ITPKB: variants seen among roughly 807,000 people sequenced by gnomAD.
ITPKB encodes inositol-trisphosphate 3-kinase B, also known as IP3 3-kinase B.
ITPKB carries 13 observed loss-of-function variants against 69.4 expected under a neutral mutation model. The ratio of observed to expected loss-of-function variants is 0.19; its 90% CI spans 0.12 to 0.30. ITPKB has a LOEUF of 0.30. Ranked by LOEUF, ITPKB falls within the 10% of genes least tolerant of loss-of-function variation. ITPKB has a pLI of 1.00. For synonymous variants in ITPKB, 584 were observed against 513.7 expected, an observed-to-expected ratio of 1.14 and a Z score of -1.85; for missense variants, 1,240 against 1,250.5, an observed-to-expected ratio of 0.99 and a Z score of 0.13.
intron 2 of ITPKB, among the ~76,000 whole-genome samples, chr1:226,733,447 G>A (rs1362778936): frequency 1.3e-5 from 2 of 152,158 alleles, no homozygotes; most frequent in Admixed American, 6.5e-5. Context: ...GGGTGTCACA[G>A]ATAAGGCTCC....
chr1:226,698,877 G>A (rs965582262), intron 2 of ITPKB, among the ~76,000 whole-genome samples: 2 of 152,224 alleles, frequency 1.3e-5, no homozygotes, highest in Admixed American at 6.5e-5. Context: ...TCTCCAACCT[G>A]TTGCACCTAT....
At chr1:226,701,702 A>G (rs1656646028) in intron 2 of ITPKB, among the ~76,000 whole-genome samples, 1 of 151,952 alleles carries the variant, frequency 6.6e-6, no homozygotes, top group Admixed American at 6.6e-5. Context: ...CGCACACAGC[A>G]AACTGTCAGC....
At chr1:226,645,059 G>A (rs1052880317) in intron 4 of ITPKB, among the ~76,000 whole-genome samples, 2 of 152,202 alleles carry the variant, frequency 1.3e-5, no homozygotes, top group Admixed American at 6.5e-5. Context: ...CTGGCTGGGT[G>A]GCCCTGATGA....
intron 2 of ITPKB, among the ~76,000 whole-genome samples, chr1:226,730,242 T>G (rs1290032926): frequency 1.3e-5 from 2 of 152,236 alleles, no homozygotes; most frequent in Non-Finnish European, 2.9e-5. Flanking sequence ...TGCTCCATGT[T>G]GTTTGGGACT....
At chr1:226,735,427 T>C in intron 2 of ITPKB, 100 bp downstream of exon 2, 1 of 1,337,272 alleles carries the variant, frequency 7.5e-7, no homozygotes, top group Non-Finnish European at 9.8e-7. Context: ...GGTCTGAGTT[T>C]TCATGACTGT....
chr1:226,735,472 C>A, intron 2 of ITPKB, 55 bp downstream of exon 2: 1 of 1,449,394 alleles, frequency 6.9e-7, no homozygotes, highest in South Asian at 1.6e-5. Context: ...CATAGGGCAT[C>A]AAAAGTCTGC....
intron 2 of ITPKB, among the ~76,000 whole-genome samples, chr1:226,681,094 C>T (rs750327308): frequency 1.3e-5 from 2 of 152,180 alleles, no homozygotes; most frequent in African/African-American, 4.8e-5. Context: ...TTCAGCTGAG[C>T]GCCTTGGTCA....
chr1:226,692,878 C>G (rs534773617), intron 2 of ITPKB, among the ~76,000 whole-genome samples: 1 of 152,310 alleles, frequency 6.6e-6, no homozygotes, highest in East Asian at 1.9e-4. Flanking sequence ...TCTCATTTCT[C>G]CTCCTCCTCC....
chr1:226,723,071 A>C (rs1051061261), intron 2 of ITPKB, among the ~76,000 whole-genome samples: 3 of 152,172 alleles, frequency 2.0e-5, no homozygotes, highest in African/African-American at 7.2e-5. Context: ...CGTGCTGCTC[A>C]GATGGAACCT....
chr1:226,708,040 G>A, intron 2 of ITPKB: 1 of 362,908 alleles, frequency 2.8e-6, no homozygotes. Flanking sequence ...TGATGTAGTA[G>A]CTCAAAGTTC....
At chr1:226,728,082 G>GA (rs899263113) in intron 2 of ITPKB, among the ~76,000 whole-genome samples, 3 of 151,580 alleles carry the variant, frequency 2.0e-5, no homozygotes, top group East Asian at 3.9e-4. Context: ...CAAAGATGGG[G>GA]AAAAAAAACA....
At chr1:226,665,958 T>C (rs1252188611) in intron 2 of ITPKB, among the ~76,000 whole-genome samples, 2 of 152,156 alleles carry the variant, frequency 1.3e-5, no homozygotes, top group South Asian at 2.1e-4. Flanking sequence ...CAGGGCACTG[T>C]GGCCTCTGGG....
chr1:226,726,686 A>ATT (rs907420062), intron 2 of ITPKB, among the ~76,000 whole-genome samples: 1 of 147,548 alleles, frequency 6.8e-6, no homozygotes, highest in Non-Finnish European at 1.5e-5. Context: ...AAATTCATAA[A>ATT]TTTTTTTTTT....
At chr1:226,635,426 A>T (rs1464353168) in intron 7 of ITPKB, among the ~76,000 whole-genome samples, 1 of 152,096 alleles carries the variant, frequency 6.6e-6, no homozygotes, top group Non-Finnish European at 1.5e-5. Flanking sequence ...GGGTTTCACT[A>T]TGTTACCCAG....
intron 2 of ITPKB, among the ~76,000 whole-genome samples, chr1:226,690,371 A>G (rs1015391064): frequency 1.3e-5 from 2 of 152,194 alleles, no homozygotes; most frequent in Non-Finnish European, 2.9e-5. Flanking sequence ...CAGGCTCAGA[A>G]AAGTTAAAGT....
chr1:226,706,739 C>G (rs1008409278), intron 2 of ITPKB, among the ~76,000 whole-genome samples: 1 of 152,184 alleles, frequency 6.6e-6, no homozygotes, highest in Admixed American at 6.5e-5. Context: ...GGATACCACT[C>G]GAGCTAACAG....
chr1:226,691,373 A>G (rs1040575742), intron 2 of ITPKB, among the ~76,000 whole-genome samples: 2 of 152,110 alleles, frequency 1.3e-5, no homozygotes, highest in African/African-American at 4.8e-5. Context: ...GCTTCAGATG[A>G]CAGAGGCAGG....
Position 226,737,630 on chromosome 1 carries a change from G to T in ITPKB, c.-172C>A. On this transcript the variant is annotated 5_prime_UTR_variant, in exon 2 of 8. It adds an upstream start codon to the 5' untranslated region. Transcript: ENST00000429204. The stretch of plus-strand genomic sequence containing the variant: ...GGCTGGGGGCACGACCGCGGGCTCA[G>T]CCCCCGCCCAAAGCTCCATAAACAA... 1 of 1,119,990 alleles carries T rather than the reference G, an allele frequency of 8.9e-7. No individual in the cohort carries two copies. The highest frequency in any genetic ancestry group is 1.1e-6 in the Non-Finnish European group (1 of 917,256). The allele number at this position is 1,119,990 out of a possible 1,614,324, so 69.4% of individuals were successfully genotyped here.
In ITPKB at chr1:226,639,596, C is replaced by T. The variant is rs1668908907; in HGVS notation, c.2514G>A (p.Glu838=). Residue 838 remains glutamate, a synonymous_variant, in exon 6 of 8, where the codon GAG becomes GAA. Transcript: ENST00000429204. ...TTCCTTTAGTGAACTCTCTGAAGGC[C>T]TCGGTGACCTGCTCCCTCGTTTTGG... The part of the protein sequence containing the change: ...KKTKTREQVT[E]AFREFTKGNH... 4 of 1,613,822 alleles carry T rather than the reference C, an allele frequency of 2.5e-6. No homozygotes were observed. The highest frequency in any genetic ancestry group is 1.3e-5 in the African/African-American group (1 of 74,912).
Sources: gnomAD v4.1 joint callset for allele counts (sites outside exome capture counted in the v4.1 genomes callset) on GRCh38, gnomAD v4.1.1 for gene constraint, MANE v1.5 for transcripts, NCBI Gene and HGNC (gene_info 2026-07-23, HGNC 2026-07-21) for gene names.